Variants in NELL1 observed in about 807,000 individuals in gnomAD.
NELL1 encodes the protein protein kinase C-binding protein NELL1.
In NELL1, 76 loss-of-function variants were observed where a neutral mutation model predicts 107.4. That is an observed-to-expected ratio of 0.71 (90% CI 0.59 to 0.86). The LOEUF (loss-of-function observed/expected upper bound fraction) is 0.86. NELL1 is among the 40% of genes least tolerant of loss of function. The probability of loss-of-function intolerance (pLI) is 0.00; values close to 1 mark genes in which losing one functional copy is unlikely to be tolerated. For missense variants in NELL1, 1,024 were observed against 1,005.5 expected (o/e 1.02, Z -0.25); for synonymous variants, 353 against 341.2 (o/e 1.03, Z -0.38).
At chr11:20,931,812 C>T (rs1850624364) in intron 9 of NELL1, among the ~76,000 whole-genome samples, 2 of 151,538 alleles carry the variant, frequency 1.3e-5, no homozygotes, top group Admixed American at 1.3e-4. Context: ...TGTGGAGCTG[C>T]CTGAAGTAAA....
At chr11:20,820,989 C>T (rs1249944025) in intron 3 of NELL1, among the ~76,000 whole-genome samples, 1 of 152,216 alleles carries the variant, frequency 6.6e-6, no homozygotes, top group Non-Finnish European at 1.5e-5. Context: ...TGCTATATCC[C>T]AAGCACTTTG....
chr11:20,775,345 C>A (rs1055160701), intron 2 of NELL1, among the ~76,000 whole-genome samples: 1 of 152,104 alleles, frequency 6.6e-6, no homozygotes, highest in Non-Finnish European at 1.5e-5. Flanking sequence ...TATTTCAATG[C>A]CTTTCATATC....
At chr11:20,683,420 G>A (rs1377986510) in intron 2 of NELL1, among the ~76,000 whole-genome samples, 1 of 151,996 alleles carries the variant, frequency 6.6e-6, no homozygotes, top group Non-Finnish European at 1.5e-5. Context: ...CCCAGGTAGT[G>A]AGCATAATTC....
intron 2 of NELL1, among the ~76,000 whole-genome samples, chr11:20,734,755 T>C (rs1173045511): frequency 6.6e-6 from 1 of 151,936 alleles, no homozygotes; most frequent in East Asian, 1.9e-4. Context: ...GGGCTGGAGG[T>C]GTATTTCTGG....
intron 2 of NELL1, among the ~76,000 whole-genome samples, chr11:20,715,300 TTTG>T (rs779410442): frequency 0.42 from 15,771 of 37,966 alleles, 934 homozygotes; most frequent in Non-Finnish European, 0.52. Flanking sequence ...GAGCTGGGTT[TTTG>T]TTTTTTTTTT....
At position 20,766,887 on chromosome 11, in the gene NELL1, C is replaced by T. The variant is rs575913798; in HGVS notation, c.185-16793C>T. The stretch of plus-strand genomic sequence containing the variant: ...CCTCCCAAGTAGCTGGGATTACAGG[C>T]GTGCACCACCACGCCCAGTTAATTT... On this transcript the variant is annotated intron_variant, in intron 2 of 19. Coordinates refer to ENST00000357134, the MANE Select transcript of NELL1 (RefSeq NM_006157.5). Among the ~76,000 whole-genome samples, 59 of 152,130 alleles carry T rather than the reference C, an allele frequency of 3.9e-4. No individual in the cohort carries two copies. In the South Asian group the frequency reaches 0.012, roughly 30 times the overall value.
intron 1 of NELL1, among the ~76,000 whole-genome samples, chr11:20,673,096 A>G (rs886871578): frequency 1.3e-5 from 2 of 151,586 alleles, no homozygotes; most frequent in African/African-American, 4.8e-5. Context: ...TCCTGACCTC[A>G]GGTGATCTGC....
chr11:21,169,887 C>A, intron 13 of NELL1: 1 of 1,427,820 alleles, frequency 7.0e-7, no homozygotes, highest in South Asian at 1.2e-5. Context: ...CCAGCACTGG[C>A]AGATGTCCCC....
Position 21,534,355 on chromosome 11 carries a change from G to C in NELL1, c.1646-19G>C. ...AAGAAATTAATATCCTGGTGGGCTT[G>C]TGTTTTTCTCTGAGGCAGATATTGA... On this transcript the variant is annotated intron_variant, in intron 15 of 19. Transcript: ENST00000357134. 1 of 1,613,570 alleles carries C rather than the reference G, an allele frequency of 6.2e-7. No homozygotes were observed. The highest frequency in any genetic ancestry group is 8.5e-7 in the Non-Finnish European group (1 of 1,179,618).
At chr11:21,211,015 A>G (rs1222396053) in intron 13 of NELL1, among the ~76,000 whole-genome samples, 2 of 152,052 alleles carry the variant, frequency 1.3e-5, no homozygotes, top group Admixed American at 6.6e-5. Flanking sequence ...CACTTACTAA[A>G]TTTTAGAAGC....
Position 21,540,826 on chromosome 11 carries a change from C to A in NELL1, c.1786+6312C>A, listed in dbSNP as rs182264939. Among the ~76,000 whole-genome samples, 606 of 152,102 alleles carry A rather than the reference C, an allele frequency of 4.0e-3. 3 individuals carry two copies. Among genetic ancestry groups the A allele is most frequent in the Non-Finnish European group, 6.8e-3 (462 of 67,954 alleles). The stretch of plus-strand genomic sequence containing the variant: ...TTGACATGAGCTTTGGGTGGAGACA[C>A]AAATCCAAACCATATCACTGGCTTA... On this transcript the variant is annotated intron_variant, in intron 16 of 19. Transcript: ENST00000357134.
intron 15 of NELL1, among the ~76,000 whole-genome samples, chr11:21,404,005 A>ACCC (rs71034518): frequency 0.024 from 1,228 of 50,902 alleles, 126 homozygotes; most frequent in Non-Finnish European, 0.029. Flanking sequence ...TCATTCCTGA[A>ACCC]CCCCCCCCCC....
chr11:20,929,691 G>T (rs1176320681), intron 9 of NELL1, among the ~76,000 whole-genome samples: 2 of 152,078 alleles, frequency 1.3e-5, no homozygotes, highest in Non-Finnish European at 2.9e-5. Flanking sequence ...ACTATTAGGG[G>T]CCAAGCACAG....
chr11:20,925,723 G>A (rs918592121), intron 7 of NELL1, among the ~76,000 whole-genome samples: 1 of 152,108 alleles, frequency 6.6e-6, no homozygotes, highest in Non-Finnish European at 1.5e-5. Flanking sequence ...GTTGGTCTAA[G>A]ATCCTATTTT....
intron 3 of NELL1, among the ~76,000 whole-genome samples, chr11:20,841,429 A>G (rs1848620831): frequency 6.6e-6 from 1 of 151,154 alleles, no homozygotes; most frequent in South Asian, 2.1e-4. Flanking sequence ...AAGGCGGGGT[A>G]TAGATATTGG....
chr11:20,720,484 G>A (rs1443207413), intron 2 of NELL1, among the ~76,000 whole-genome samples: 2 of 152,152 alleles, frequency 1.3e-5, no homozygotes, highest in Non-Finnish European at 2.9e-5. Context: ...TGGGATTACA[G>A]ACATGAGCCA....
intron 5 of NELL1, among the ~76,000 whole-genome samples, chr11:20,887,711 C>T (rs573262350): frequency 6.6e-6 from 1 of 152,262 alleles, no homozygotes; most frequent in South Asian, 2.1e-4. Flanking sequence ...ACTTGACACC[C>T]AGATTTACTT....
At chr11:21,269,561 A>G (rs1848700840) in intron 14 of NELL1, among the ~76,000 whole-genome samples, 1 of 152,104 alleles carries the variant, frequency 6.6e-6, no homozygotes, top group African/African-American at 2.4e-5. Flanking sequence ...TGAGGGAAAA[A>G]AAGCAACTTA....
intron 3 of NELL1, among the ~76,000 whole-genome samples, chr11:20,829,562 T>C (rs1379920761): frequency 6.6e-6 from 1 of 152,030 alleles, no homozygotes; most frequent in Non-Finnish European, 1.5e-5. Flanking sequence ...ACATCTTGTT[T>C]GAATTTTGCC....
Sources: gnomAD v4.1 joint callset for allele counts (sites outside exome capture counted in the v4.1 genomes callset) on GRCh38, gnomAD v4.1.1 for gene constraint, MANE v1.5 for transcripts, NCBI Gene and HGNC (gene_info 2026-07-23, HGNC 2026-07-21) for gene names.